Variants in ASTN2 observed in about 807,000 individuals in gnomAD.
ASTN2 encodes the protein astrotactin 2, also known as astrotactin-2.
Under a neutral mutation model 139.8 loss-of-function variants are expected in ASTN2, and 54 were observed. The ratio of observed to expected loss-of-function variants is 0.39; its 90% CI spans 0.31 to 0.48. ASTN2 has a LOEUF of 0.48. Ranked by LOEUF, ASTN2 falls within the 20% of genes least tolerant of loss-of-function variation. The pLI is 0.95. For missense variants in ASTN2, 1,565 were observed against 1,725.1 expected, an observed-to-expected ratio of 0.91 and a Z score of 1.64; for synonymous variants, 756 against 719.5, an observed-to-expected ratio of 1.05 and a Z score of -0.81.
intron 16 of ASTN2, among the ~76,000 whole-genome samples, chr9:116,702,655 G>GC (rs1480422865): frequency 6.6e-6 from 1 of 152,046 alleles, no homozygotes; most frequent in South Asian, 2.1e-4. Context: ...TCCTAGTGTA[G>GC]CCCCCTTAGA....
intron 13 of ASTN2, among the ~76,000 whole-genome samples, chr9:116,765,734 T>C (rs540301427): frequency 1.2e-4 from 18 of 152,180 alleles, no homozygotes; most frequent in Admixed American, 2.6e-4. Flanking sequence ...GGGGGTATTA[T>C]TAAGTAAAAA....
chr9:117,175,677 T>C (rs993896827), intron 3 of ASTN2, among the ~76,000 whole-genome samples: 19 of 152,170 alleles, frequency 1.2e-4, no homozygotes, highest in African/African-American at 4.3e-4. Flanking sequence ...GATAGTGAAC[T>C]AGGACAATTA....
intron 16 of ASTN2, among the ~76,000 whole-genome samples, chr9:116,719,911 A>G (rs1038767135): frequency 3.7e-4 from 57 of 152,164 alleles, no homozygotes; most frequent in Admixed American, 3.7e-3. Flanking sequence ...TGGAACCCGA[A>G]AACTGTCCGC....
At chr9:116,993,494 CAT>C (rs1398275481) in intron 7 of ASTN2, among the ~76,000 whole-genome samples, 1 of 151,500 alleles carries the variant, frequency 6.6e-6, no homozygotes, top group Non-Finnish European at 1.5e-5. Flanking sequence ...CATCTTCTAA[CAT>C]GTGATACACT....
At chr9:116,967,981 A>G (rs2132513906) in intron 10 of ASTN2, among the ~76,000 whole-genome samples, 1 of 152,260 alleles carries the variant, frequency 6.6e-6, no homozygotes, top group Non-Finnish European at 1.5e-5. Context: ...TGCTTCCTTA[A>G]CTGTACTACA....
intron 16 of ASTN2, among the ~76,000 whole-genome samples, chr9:116,677,403 T>C (rs189509042): frequency 3.0e-4 from 45 of 152,330 alleles, no homozygotes; most frequent in Admixed American, 2.2e-3. Flanking sequence ...CTGTTTTGCA[T>C]TGTGTTATCT....
intron 1 of ASTN2, among the ~76,000 whole-genome samples, chr9:117,382,099 G>C (rs1432595392): frequency 1.3e-5 from 2 of 152,112 alleles, no homozygotes; most frequent in East Asian, 3.9e-4. Flanking sequence ...GATGCTGATG[G>C]GGAATTCTAT....
intron 1 of ASTN2, among the ~76,000 whole-genome samples, chr9:117,364,999 A>ACACAC (rs1564167764): frequency 1.0e-5 from 1 of 100,410 alleles, no homozygotes; most frequent in African/African-American, 3.2e-5. Flanking sequence ...ACACACACAC[A>ACACAC]AAATCAGCCA....
chr9:116,900,788 C>G (rs563837714), intron 10 of ASTN2, among the ~76,000 whole-genome samples: 1 of 152,082 alleles, frequency 6.6e-6, no homozygotes, highest in African/African-American at 2.4e-5. Context: ...CCTCCACCTT[C>G]GTTTGGTTCT....
chr9:116,653,189 T>C (rs997405454), intron 16 of ASTN2, among the ~76,000 whole-genome samples: 14 of 152,226 alleles, frequency 9.2e-5, no homozygotes, highest in African/African-American at 3.4e-4. Flanking sequence ...AGAGAGATTA[T>C]AGAATTCTGA....
At chr9:116,502,463 G>C (rs569746449) in intron 19 of ASTN2, among the ~76,000 whole-genome samples, 1 of 151,880 alleles carries the variant, frequency 6.6e-6, no homozygotes, top group East Asian at 1.9e-4. Flanking sequence ...GAGAGACATA[G>C]ATAAGAACAC....
intron 3 of ASTN2, chr9:117,180,855 C>A (rs1831045828): frequency 6.4e-7 from 1 of 1,563,098 alleles, no homozygotes; most frequent in African/African-American, 1.3e-5. Context: ...AGATGCGGAT[C>A]TTCTGGTGGC....
At chr9:116,545,282 C>A (rs1338318139) in intron 19 of ASTN2, among the ~76,000 whole-genome samples, 1 of 152,204 alleles carries the variant, frequency 6.6e-6, no homozygotes, top group African/African-American at 2.4e-5. Flanking sequence ...TCTGTAATTA[C>A]ACATGGTCCT....
chr9:116,508,197 T>C (rs1004984599), intron 19 of ASTN2, among the ~76,000 whole-genome samples: 3 of 152,180 alleles, frequency 2.0e-5, no homozygotes, highest in African/African-American at 4.8e-5. Context: ...CGTAACAACT[T>C]TCTAAGCCTC....
chr9:117,149,952 C>A (rs534130229), intron 3 of ASTN2, among the ~76,000 whole-genome samples: 1 of 152,242 alleles, frequency 6.6e-6, no homozygotes, highest in South Asian at 2.1e-4. Context: ...GCAGACAAGA[C>A]AAATGAACAA....
chr9:116,755,350 C>A (rs770482346), intron 13 of ASTN2, among the ~76,000 whole-genome samples: 2 of 152,134 alleles, frequency 1.3e-5, no homozygotes, highest in Non-Finnish European at 2.9e-5. Flanking sequence ...ACATAGGGCC[C>A]TTAAAGAGGT....
chr9:116,547,113 C>T (rs892381369), intron 19 of ASTN2, among the ~76,000 whole-genome samples: 7 of 152,188 alleles, frequency 4.6e-5, no homozygotes, highest in Admixed American at 3.9e-4. Flanking sequence ...TTCCACTCCT[C>T]CACCTGAGTA....
At chr9:116,941,941 A>C (rs774736065) in intron 10 of ASTN2, among the ~76,000 whole-genome samples, 2 of 150,784 alleles carry the variant, frequency 1.3e-5, no homozygotes, top group South Asian at 2.1e-4. Context: ...GACTACTTGA[A>C]TTCTAATCCT....
At chr9:117,046,912 T>C (rs1327795414) in intron 5 of ASTN2, among the ~76,000 whole-genome samples, 2 of 152,174 alleles carry the variant, frequency 1.3e-5, no homozygotes, top group Non-Finnish European at 2.9e-5. Flanking sequence ...CTATTGGTAT[T>C]TTTTTCTAGC....
Sources: allele counts gnomAD v4.1 joint callset (sites outside exome capture counted in the v4.1 genomes callset), GRCh38; gene constraint gnomAD v4.1.1; transcripts MANE v1.5; gene names NCBI Gene and HGNC (gene_info 2026-07-23, HGNC 2026-07-21).